The following DMD variants were observed in gnomAD, a reference collection of about 807,000 sequenced individuals.
The protein encoded by DMD is mutant dystrophin.
In DMD, 63 loss-of-function variants were observed where a neutral mutation model predicts 330.1. The ratio of observed to expected loss-of-function variants is 0.19; its 90% confidence interval spans 0.16 to 0.24. The LOEUF (loss-of-function observed/expected upper bound fraction) is 0.24. Ranked by LOEUF, DMD falls within the 10% of genes least tolerant of loss-of-function variation. The pLI is 1.00. For missense variants in DMD, 3,344 were observed against 2,684.1 expected, an observed-to-expected ratio of 1.25 and a Z score of -5.43; for synonymous variants, 1,223 against 959.8, an observed-to-expected ratio of 1.27 and a Z score of -5.07.
At chrX:32,954,580 T>C (rs775191144) in intron 2 of DMD, among the ~76,000 whole-genome samples, 2 of 112,184 alleles carry the variant, frequency 1.8e-5, no homozygotes, top group Non-Finnish European at 3.8e-5. Flanking sequence ...CATGTGCATG[T>C]GTGTTATATA....
intron 44 of DMD, among the ~76,000 whole-genome samples, chrX:31,997,259 A>G (rs16990008): frequency 0.029 from 3,250 of 111,172 alleles, 130 homozygotes; most frequent in African/African-American, 0.1. Flanking sequence ...TAAAATCAGG[A>G]TAGGTGATTG....
chrX:31,161,585 T>C (rs1005304437), intron 74 of DMD, among the ~76,000 whole-genome samples: 3 of 111,185 alleles, frequency 2.7e-5, no homozygotes, highest in Admixed American at 1.9e-4. Flanking sequence ...AAACTTTCCG[T>C]AACACCAGAT....
chrX:33,092,030 G>A (rs2095091761), intron 1 of DMD, among the ~76,000 whole-genome samples: 1 of 111,175 alleles, frequency 9.0e-6, no homozygotes, highest in South Asian at 3.8e-4. Context: ...ATTTTTTTAA[G>A]AAGATGAAGC....
At chrX:32,425,078 T>C (rs939340340) in intron 29 of DMD, among the ~76,000 whole-genome samples, 1 of 111,957 alleles carries the variant, frequency 8.9e-6, no homozygotes, top group Non-Finnish European at 1.9e-5. Flanking sequence ...CCATTGCGAA[T>C]AACTTCATTG....
At chrX:31,269,253 AC>A (rs1366661436) in intron 62 of DMD, among the ~76,000 whole-genome samples, 6 of 111,896 alleles carry the variant, frequency 5.4e-5, no homozygotes, top group Non-Finnish European at 3.8e-5. Context: ...TAATTGATAT[AC>A]CTTCGTGTCA....
chrX:31,716,249 T>C (rs750286574), intron 52 of DMD, among the ~76,000 whole-genome samples: 1 of 112,563 alleles, frequency 8.9e-6, no homozygotes, highest in South Asian at 3.6e-4. Flanking sequence ...TGGTGTTTAT[T>C]TTTTAAAAAC....
chrX:32,993,415 G>A (rs1282839615), intron 2 of DMD, among the ~76,000 whole-genome samples: 1 of 109,864 alleles, frequency 9.1e-6, no homozygotes, highest in East Asian at 2.9e-4. Flanking sequence ...ACCAGCCTGG[G>A]CAACACGGTG....
At chrX:31,694,342 G>T (rs764079569) in intron 52 of DMD, among the ~76,000 whole-genome samples, 131 of 109,395 alleles carry the variant, frequency 1.2e-3, no homozygotes, top group African/African-American at 4.0e-3. Context: ...TCTGGGCAGT[G>T]GTTTCTTGCA....
At chrX:31,937,914 C>CTT (rs201740784) in intron 45 of DMD, among the ~76,000 whole-genome samples, 1 of 111,574 alleles carries the variant, frequency 9.0e-6, no homozygotes, top group Non-Finnish European at 1.9e-5. Context: ...AGACATTTAG[C>CTT]TTTTTTTAGA....
At chrX:32,194,004 A>G (rs1328939865) in intron 44 of DMD, among the ~76,000 whole-genome samples, 1 of 112,093 alleles carries the variant, frequency 8.9e-6, no homozygotes, top group African/African-American at 3.2e-5. Flanking sequence ...TGAAATCGCG[A>G]AAGCTATTAA....
intron 7 of DMD, among the ~76,000 whole-genome samples, chrX:32,760,089 T>C (rs934021688): frequency 1.0e-5 from 1 of 95,238 alleles, no homozygotes; most frequent in Non-Finnish European, 2.1e-5. Context: ...TTGACTCTTG[T>C]AATTATTCTT....
At chrX:32,587,505 T>C (rs1261794395) in intron 13 of DMD, among the ~76,000 whole-genome samples, 10 of 112,069 alleles carry the variant, frequency 8.9e-5, no homozygotes, top group Admixed American at 8.6e-4. Flanking sequence ...TGTTTTTTCT[T>C]ATGAAAGTAA....
intron 44 of DMD, among the ~76,000 whole-genome samples, chrX:32,179,001 C>A (rs1156467215): frequency 9.5e-6 from 1 of 105,453 alleles, no homozygotes. Flanking sequence ...CCTGCTCCTC[C>A]TCCTCCTGCC....
chrX:32,726,677 T>C (rs2066919575), intron 7 of DMD, among the ~76,000 whole-genome samples: 1 of 111,164 alleles, frequency 9.0e-6, no homozygotes, highest in African/African-American at 3.3e-5. Flanking sequence ...CATGGGTTTA[T>C]AAATTATTTG....
Position 31,990,706 on chromosome X carries a change from C to G in DMD, c.6439-22192G>C, listed in dbSNP as rs145446270. Among the ~76,000 whole-genome samples, 884 of 111,842 alleles carry G rather than the reference C, an allele frequency of 7.9e-3. 8 individuals are homozygous for G. The highest frequency in any genetic ancestry group is 0.022 in the African/African-American group (669 of 30,825). On this transcript the variant is annotated intron_variant, in intron 44 of 78. Transcript: ENST00000357033. The stretch of plus-strand genomic sequence containing the variant: ...CTAGTACATCCTCAGATTAAATATA[C>G]GAAAACATTAATAACTCACGTAAGC...
intron 9 of DMD, among the ~76,000 whole-genome samples, chrX:32,645,651 A>G (rs2059736391): frequency 8.9e-6 from 1 of 111,801 alleles, no homozygotes. Context: ...AAAGGAAGGC[A>G]AAATTTAGAA....
chrX:31,618,601 G>C (rs888290285), intron 55 of DMD, among the ~76,000 whole-genome samples: 27 of 111,931 alleles, frequency 2.4e-4, no homozygotes, highest in African/African-American at 8.8e-4. Flanking sequence ...GTAATGCTGA[G>C]TCAATGTAGA....
At position 32,426,823 on chromosome X, in the gene DMD, G is replaced by A. The variant is rs1019593797; in HGVS notation, c.4071+11418C>T. ...CCTTTGCAGGAACATGGAGGGAGCT[G>A]GAGACCATTCTACTTAGCAAACTAA... is the stretch of plus-strand genomic sequence containing the variant. On this transcript the variant is annotated intron_variant, in intron 29 of 78. Coordinates refer to ENST00000357033, the MANE Select transcript of DMD (RefSeq NM_004006.3). 3.6e-5 allele frequency among the ~76,000 whole-genome samples: 4 copies of A among 111,566 alleles called. No individual in the cohort carries two copies. In the East Asian group the frequency reaches 1.1e-3, roughly 32 times the overall value.
At chrX:32,614,982 TA>T (rs2057448947) in intron 11 of DMD, among the ~76,000 whole-genome samples, 1 of 111,003 alleles carries the variant, frequency 9.0e-6, no homozygotes, top group African/African-American at 3.3e-5. Flanking sequence ...TCTTGAAGCC[TA>T]GATTCCATGC....
Sources: allele counts gnomAD v4.1 joint callset (sites outside exome capture counted in the v4.1 genomes callset), GRCh38; gene constraint gnomAD v4.1.1; transcripts MANE v1.5; gene names NCBI Gene and HGNC (gene_info 2026-07-23, HGNC 2026-07-21).